FBXO34: variants seen among roughly 807,000 people sequenced by gnomAD.
The protein encoded by FBXO34 is F-box protein 34.
FBXO34 carries 12 observed loss-of-function variants against 24.5 expected under a neutral mutation model. The observed-to-expected ratio is 0.49, with a 90% CI of 0.31 to 0.79. FBXO34 has a LOEUF of 0.79. Ranked by LOEUF, FBXO34 falls within the 30% of genes least tolerant of loss-of-function variation. The pLI is 0.04. For synonymous variants in FBXO34, 320 were observed against 311.9 expected, an observed-to-expected ratio of 1.03 and a Z score of -0.27; for missense variants, 823 against 857.7, an observed-to-expected ratio of 0.96 and a Z score of 0.51.
chr14:55,291,225 GAC>G (rs3051306), intron 1 of FBXO34, among the ~76,000 whole-genome samples: 1,543 of 152,248 alleles, frequency 0.01, 21 homozygotes, highest in African/African-American at 0.036. Flanking sequence ...TATCCTTGCT[GAC>G]ACAGTTTTTG....
the FBXO34 span, chr14:55,380,841 T>C: frequency 1.1e-3 from 294 of 264,506 alleles, 2 homozygotes; most frequent in Non-Finnish European, 7.3e-4. Context: ...ACATAAATGG[T>C]CCATTCTTTG....
At chr14:55,421,748 C>A in the FBXO34 span, among the ~76,000 whole-genome samples, 13 of 152,206 alleles carry the variant, frequency 8.5e-5, no homozygotes, top group Admixed American at 8.5e-4. Context: ...CAGGCGTGAG[C>A]CACCATACCC....
chr14:55,287,219 A>G (rs1881793232), intron 1 of FBXO34, among the ~76,000 whole-genome samples: 1 of 152,096 alleles, frequency 6.6e-6, no homozygotes, highest in African/African-American at 2.4e-5. Flanking sequence ...TTTACATCTT[A>G]TACACATAGC....
chr14:55,440,530 A>T, the FBXO34 span: 1 of 1,605,494 alleles, frequency 6.2e-7, no homozygotes, highest in East Asian at 2.2e-5. Context: ...CGCTCCGGCC[A>T]GGGCGCAGAG....
intron 1 of FBXO34, among the ~76,000 whole-genome samples, chr14:55,313,130 G>A (rs1210747210): frequency 6.6e-6 from 1 of 152,114 alleles, no homozygotes; most frequent in Non-Finnish European, 1.5e-5. Flanking sequence ...CACCTCCTAA[G>A]CTTTGCGGCG....
chr14:55,369,294 C>T (rs115743276), downstream of FBXO34: 324 of 195,134 alleles, frequency 1.7e-3, 6 homozygotes, highest in African/African-American at 6.8e-3. Flanking sequence ...TCTGTGGGCC[C>T]GGTGGCCCGG....
chr14:55,435,865 A>G, the FBXO34 span: 1 of 1,569,726 alleles, frequency 6.4e-7, no homozygotes, highest in Non-Finnish European at 8.6e-7. Flanking sequence ...TATATTCTGC[A>G]TTTTTTGCAT....
chr14:55,418,271 G>A, the FBXO34 span, among the ~76,000 whole-genome samples: 1 of 152,290 alleles, frequency 6.6e-6, no homozygotes, highest in East Asian at 1.9e-4. Flanking sequence ...CAAGTACTTG[G>A]TAGGCACCCA....
intron 1 of FBXO34, among the ~76,000 whole-genome samples, chr14:55,306,847 C>CAAAACAAAAT (rs1216512769): frequency 6.6e-6 from 1 of 151,668 alleles, no homozygotes; most frequent in Non-Finnish European, 1.5e-5. Flanking sequence ...CAAAACAAAA[C>CAAAACAAAAT]AAAACAAAAA....
At chr14:55,290,566 C>A (rs1210876776) in intron 1 of FBXO34, among the ~76,000 whole-genome samples, 1 of 152,082 alleles carries the variant, frequency 6.6e-6, no homozygotes, top group Non-Finnish European at 1.5e-5. Context: ...CCTGTGTCCT[C>A]ATTGACTTAG....
chr14:55,378,559 C>A, the FBXO34 span, among the ~76,000 whole-genome samples: 860 of 152,270 alleles, frequency 5.6e-3, 12 homozygotes, highest in African/African-American at 0.019. Context: ...ATTCTTTTTA[C>A]CCACAGCCTC....
In FBXO34 at chr14:55,332,037, T is replaced by C. The variant is rs995787341; in HGVS notation, c.-10-18344T>C. 3.7e-5 allele frequency among the ~76,000 whole-genome samples: 5 copies of C among 136,514 alleles called. 2 individuals carry two copies. The highest frequency in any genetic ancestry group is 7.8e-5 in the Non-Finnish European group (5 of 64,250). The allele number at this position is 136,514 out of a possible 152,430, so 89.6% of individuals were successfully genotyped here. The stretch of plus-strand genomic sequence containing the variant: ...AAATATATATATACCACCGTGGTGG[T>C]ATATATAAAAATATATATATATATA... On this transcript the variant is annotated intron_variant, in intron 1 of 1. Coordinates refer to ENST00000313833, the MANE Select transcript of FBXO34 (RefSeq NM_017943.4).
the FBXO34 span, chr14:55,377,739 CG>C: frequency 1.9e-6 from 2 of 1,049,106 alleles, no homozygotes; most frequent in South Asian, 3.5e-5. Context: ...TTAGGGAACA[CG>C]ACTCTACTAT....
At chr14:55,427,109 G>A in the FBXO34 span, among the ~76,000 whole-genome samples, 1 of 152,162 alleles carries the variant, frequency 6.6e-6, no homozygotes, top group African/African-American at 2.4e-5. Flanking sequence ...GACAACTTAA[G>A]CACTGGGAGA....
downstream of FBXO34, among the ~76,000 whole-genome samples, chr14:55,355,716 G>A (rs1884512681): frequency 6.6e-6 from 1 of 152,220 alleles, no homozygotes. Context: ...GGACCACTGT[G>A]GAGCTTGCCC....
chr14:55,351,512 C>T lies in FBXO34; in HGVS notation c.1122C>T (p.Pro374=). The change falls in exon 2 of 2, where the codon CCC becomes CCT. Residue 374 remains proline (P), a synonymous_variant. Transcript: ENST00000313833. ...QAWDGASQDC[P]PLPAGVSFHI... ...GGGACGGTGCTTCTCAGGACTGCCC[C>T]CCATTGCCAGCAGGAGTGAGTTTCC... 5 of 1,614,134 alleles carry T rather than the reference C, an allele frequency of 3.1e-6. No homozygotes were observed. The highest frequency in any genetic ancestry group is 4.2e-6 in the Non-Finnish European group (5 of 1,180,024).
At chr14:55,306,945 A>G (rs529561956) in intron 1 of FBXO34, among the ~76,000 whole-genome samples, 11 of 152,264 alleles carry the variant, frequency 7.2e-5, no homozygotes, top group Non-Finnish European at 1.5e-4. Flanking sequence ...TAAAGGAGGA[A>G]GGGAACTTAG....
intron 1 of FBXO34, among the ~76,000 whole-genome samples, chr14:55,333,840 A>G (rs1235975693): frequency 6.6e-6 from 1 of 151,732 alleles, no homozygotes; most frequent in East Asian, 1.9e-4. Flanking sequence ...TGTATATTTT[A>G]GTATTTAAAG....
the FBXO34 span, among the ~76,000 whole-genome samples, chr14:55,409,965 A>G: frequency 6.6e-5 from 10 of 151,814 alleles, no homozygotes; most frequent in Non-Finnish European, 1.5e-5. Context: ...AAGATTTAAG[A>G]TAAGTTTTGA....
Sources: allele counts gnomAD v4.1 joint callset (sites outside exome capture counted in the v4.1 genomes callset), GRCh38; gene constraint gnomAD v4.1.1; transcripts MANE v1.5; gene names NCBI Gene and HGNC (gene_info 2026-07-23, HGNC 2026-07-21).